The following INPP5D variants were observed in gnomAD, a reference collection of about 807,000 sequenced individuals.
INPP5D encodes phosphatidylinositol 3,4,5-trisphosphate 5-phosphatase 1.
Under a neutral mutation model 122.9 loss-of-function variants are expected in INPP5D, and 33 were observed. The ratio of observed to expected loss-of-function variants is 0.27; its 90% CI spans 0.20 to 0.36. The LOEUF is 0.36. Among genes scored for constraint, INPP5D ranks in the 10% least tolerant of loss-of-function variants. The pLI, the probability that INPP5D is intolerant of heterozygous loss-of-function variation, is 1.00. For synonymous variants in INPP5D, 584 were observed against 576.2 expected (o/e 1.01, Z -0.19); for missense variants, 1,053 against 1,412.7 (o/e 0.75, Z 4.08).
chr2:233,163,972 G>A, intron 12 of INPP5D, 69 bp downstream of exon 12: 2 of 1,557,230 alleles, frequency 1.3e-6, no homozygotes, highest in Non-Finnish European at 8.7e-7. Flanking sequence ...CTGTCTCAGA[G>A]GCAAGGGTGG....
intron 2 of INPP5D, among the ~76,000 whole-genome samples, chr2:233,117,063 G>A (rs1298316468): frequency 6.6e-6 from 1 of 152,218 alleles, no homozygotes; most frequent in Non-Finnish European, 1.5e-5. Context: ...GTGTCCGAGG[G>A]CATCACTTGG....
At chr2:233,174,253 C>G (rs1005632338) in intron 17 of INPP5D, among the ~76,000 whole-genome samples, 1 of 152,226 alleles carries the variant, frequency 6.6e-6, no homozygotes, top group African/African-American at 2.4e-5. Flanking sequence ...TACTGTTATG[C>G]TTTTACACAG....
intron 2 of INPP5D, among the ~76,000 whole-genome samples, chr2:233,121,384 C>T (rs1692971711): frequency 6.6e-6 from 1 of 151,684 alleles, no homozygotes; most frequent in Non-Finnish European, 1.5e-5. Context: ...GTGATGTGCC[C>T]ACCTCAGCCT....
At chr2:233,074,721 G>C (rs1220207877) in intron 1 of INPP5D, among the ~76,000 whole-genome samples, 1 of 151,874 alleles carries the variant, frequency 6.6e-6, no homozygotes, top group Non-Finnish European at 1.5e-5. Context: ...CAAAAACACA[G>C]ACAAAAACAT....
rs184599343 is a variant in INPP5D at position 233,077,600 on chromosome 2, G to A, written c.135-1735G>A. 2.1e-3 allele frequency among the ~76,000 whole-genome samples: 309 copies of A among 146,180 alleles called. 1 individual carries two copies. The highest frequency in any genetic ancestry group is 7.4e-3 in the African/African-American group (292 of 39,318). On this transcript the variant is annotated intron_variant, in intron 1 of 26. Coordinates refer to ENST00000445964, the MANE Select transcript of INPP5D (RefSeq NM_001017915.3). ...CTTGAACCTGGGAGGCAGAGTTTGC[G>A]GTGAGCCAAGATTGCGTGCCATTGC...
At chr2:233,139,598 T>C (rs1014395647) in intron 5 of INPP5D, among the ~76,000 whole-genome samples, 24 of 152,234 alleles carry the variant, frequency 1.6e-4, no homozygotes, top group African/African-American at 4.6e-4. Context: ...AGAGTGCAGT[T>C]TGGCTAAAGC....
intron 18 of INPP5D, among the ~76,000 whole-genome samples, chr2:233,180,446 T>C (rs113848123): frequency 0.013 from 2,049 of 152,186 alleles, 21 homozygotes; most frequent in African/African-American, 0.022. Context: ...TGTACCCCTG[T>C]GCTCAGCCTG....
chr2:233,186,677 T>C (rs1694924621), intron 21 of INPP5D, among the ~76,000 whole-genome samples: 2 of 112,056 alleles, frequency 1.8e-5, no homozygotes, highest in Admixed American at 9.6e-5. Context: ...TTTTTCTTTT[T>C]CTCTTTCTTT....
In INPP5D at chr2:233,168,439, C is replaced by T. The variant is rs370148671; in HGVS notation, c.1556-866C>T. Among the ~76,000 whole-genome samples, 68 of 152,328 alleles carry T rather than the reference C, an allele frequency of 4.5e-4. No homozygotes were observed. The South Asian group carries it at 0.012, about 27-fold the overall frequency. ...ATCACCTAGAGCAGGGGTTAACAAG[C>T]GTTTTCCATAGAAGGCCAGATGGTG... On this transcript the variant is annotated intron_variant, in intron 13 of 26. Coordinates refer to ENST00000445964, the MANE Select transcript of INPP5D (RefSeq NM_001017915.3).
Position 233,182,602 on chromosome 2 carries a change from C to T in INPP5D, c.2161+103C>T, listed in dbSNP as rs1303061320. 8.5e-6 allele frequency: 13 copies of T among 1,527,020 alleles called. 1 individual carries two copies. Among genetic ancestry groups the T allele is most frequent in the South Asian group, 1.2e-5 (1 of 84,900 alleles). The allele number at this position is 1,527,020 out of a possible 1,614,324, so 94.6% of individuals were successfully genotyped here. A position where few individuals can be genotyped will look rare whatever the true frequency, so the allele number is the denominator to read the frequency against. ...CAGTGGTCTGCATTAGAGGAAGGCT[C>T]ATTTTCCCAGGCAAGTCCACAATAT... On this transcript the variant is annotated intron_variant, in intron 19 of 26. Transcript: ENST00000445964.
chr2:233,138,303 T>TAAA (rs749510803), intron 5 of INPP5D, among the ~76,000 whole-genome samples: 3 of 103,656 alleles, frequency 2.9e-5, no homozygotes, highest in Middle Eastern at 4.8e-3. Flanking sequence ...TAAGATTGTC[T>TAAA]AAAAAAAAAA....
chr2:233,169,220 C>G, intron 13 of INPP5D, 85 bp from the exon 14 acceptor site: 4 of 1,535,438 alleles, frequency 2.6e-6, no homozygotes, highest in Non-Finnish European at 3.5e-6. Flanking sequence ...CACTGCCCCT[C>G]TCACCCTGCC....
chr2:233,169,497 GC>G, intron 14 of INPP5D, 96 bp downstream of exon 14: 1 of 1,511,496 alleles, frequency 6.6e-7, no homozygotes. Flanking sequence ...CTCAGCTCCT[GC>G]CTTTGACCTT....
rs140836409 is a variant in INPP5D at position 233,160,985 on chromosome 2, A to G, written c.1138-739A>G. ...ATGCTATTCATATCATTTGTCAACTAGCTTTTCATGCTTAAAAATATATAT... is the reference window on the plus strand; with the variant it reads ...ATGCTATTCATATCATTTGTCAACTGGCTTTTCATGCTTAAAAATATATAT... On this transcript the variant is annotated intron_variant, in intron 10 of 26. Coordinates refer to ENST00000445964, the MANE Select transcript of INPP5D (RefSeq NM_001017915.3). This position sits in a 1 kb window ranked among gnomAD's most constrained non-coding sequence, Gnocchi z 4.2. Among the ~76,000 whole-genome samples, 1,250 of 152,216 alleles carry G rather than the reference A, an allele frequency of 8.2e-3. 18 individuals carry two copies. Among genetic ancestry groups the G allele is most frequent in the African/African-American group, 0.029 (1,195 of 41,528 alleles).
rs912666565 is a variant in INPP5D, at chr2:233,188,142, C to T, written c.2359-1708C>T. Among the ~76,000 whole-genome samples the T allele has an allele frequency of 2.0e-5, 3 of 152,056 alleles. No homozygotes were observed. Among genetic ancestry groups the T allele is most frequent in the Non-Finnish European group, 4.4e-5 (3 of 67,998 alleles). ...GCCTCTCTGATCCTGGAGTCCCCCT[C>T]TTTATCCGGTCGACTCCCTGTTGCC... On this transcript the variant is annotated intron_variant, in intron 21 of 26. Coordinates refer to ENST00000445964, the MANE Select transcript of INPP5D (RefSeq NM_001017915.3). The surrounding 1 kb of genome is among the most constrained non-coding windows in gnomAD (Gnocchi z 4.7).
In INPP5D at chr2:233,154,773, G is replaced by A. The variant is rs570943044; in HGVS notation, c.1031-3540G>A. Among the ~76,000 whole-genome samples, 169 of 152,276 alleles carry A rather than the reference G, an allele frequency of 1.1e-3. 1 individual carries two copies. Among genetic ancestry groups the A allele is most frequent in the Non-Finnish European group, 1.5e-3 (99 of 68,018 alleles). ...CTTATCTTGTCTTCTGCTAAATCAC[G>A]GAGGTTTGGGGAGTTCCTTCAGACC... On this transcript the variant is annotated intron_variant, in intron 9 of 26. Transcript: ENST00000445964.
rs1257130432 is a variant in INPP5D, at chr2:233,189,237, T to G, written c.2359-613T>G. On this transcript the variant is annotated intron_variant, in intron 21 of 26. Transcript: ENST00000445964. The surrounding 1 kb of genome is among the most constrained non-coding windows in gnomAD (Gnocchi z 5.6). ...TCTGGAAACTTGCTCGCAGATGGAA[T>G]GTGGGAGCCTGTGTCTGTCATTCGC... Among the ~76,000 whole-genome samples, 1 of 152,186 alleles carries G rather than the reference T, an allele frequency of 6.6e-6. No individual in the cohort carries two copies. The highest frequency in any genetic ancestry group is 1.5e-5 in the Non-Finnish European group (1 of 68,030).
intron 17 of INPP5D, among the ~76,000 whole-genome samples, chr2:233,173,506 A>C (rs1574785548): frequency 6.6e-6 from 1 of 152,182 alleles, no homozygotes; most frequent in African/African-American, 2.4e-5. Context: ...TTTGTAATAA[A>C]ATGTAGCTTA....
intron 9 of INPP5D, among the ~76,000 whole-genome samples, chr2:233,149,893 G>A (rs1268368708): frequency 6.6e-6 from 1 of 152,128 alleles, no homozygotes; most frequent in Admixed American, 6.5e-5. Flanking sequence ...ATCATTGACT[G>A]TCACCACCAC....
Sources: gnomAD v4.1 joint callset for allele counts (sites outside exome capture counted in the v4.1 genomes callset) on GRCh38, gnomAD v4.1.1 for gene constraint, Gnocchi (gnomAD v3.1) non-coding constraint, MANE v1.5 for transcripts, NCBI Gene and HGNC (gene_info 2026-07-23, HGNC 2026-07-21) for gene names.